ITPR1: variants seen among roughly 807,000 people sequenced by gnomAD.
ITPR1 encodes inositol 1,4,5-trisphosphate receptor type 1.
Under a neutral mutation model 318.4 loss-of-function variants are expected in ITPR1, and 96 were observed. That is an observed-to-expected ratio of 0.30 (90% CI 0.26 to 0.36). The LOEUF (loss-of-function observed/expected upper bound fraction) is 0.36, where lower values mean the gene tolerates loss of function less well. ITPR1 is among the 10% of genes least tolerant of loss of function. ITPR1 has a pLI of 1.00. For missense variants in ITPR1, 2,440 were observed against 3,460.2 expected (o/e 0.71, Z 7.40); for synonymous variants, 1,312 against 1,289.9 (o/e 1.02, Z -0.37).
chr3:4,716,217 A>C lies in ITPR1; in HGVS notation c.5104-1150A>C, dbSNP rs151226006. On this transcript the variant is annotated intron_variant, in intron 39 of 61. Transcript: ENST00000649015. Reference sequence around the variant, plus strand: ...TTTAAACCATGTCTGTGTTGAAAAGAAAATAACCTCCCACAGCTAAATAGC... The same window carrying C: ...TTTAAACCATGTCTGTGTTGAAAAGCAAATAACCTCCCACAGCTAAATAGC... 3.8e-3 allele frequency among the ~76,000 whole-genome samples: 580 copies of C among 152,334 alleles called. 3 individuals carry two copies. The highest frequency in any genetic ancestry group is 0.013 in the African/African-American group (545 of 41,578).
rs1156474451 is a variant in ITPR1, at chr3:4,632,929, C to CTTTTTTTTT, written c.279+5071_279+5079dup. 4.5e-4 allele frequency among the ~76,000 whole-genome samples: 30 copies of CTTTTTTTTT among 66,030 alleles called. 8 individuals carry two copies. The highest frequency in any genetic ancestry group is 1.9e-3 in the African/African-American group (27 of 14,268). The allele number at this position is 66,030 out of a possible 152,430, so 43.3% of individuals were successfully genotyped here. On this transcript the variant is annotated intron_variant, in intron 5 of 61. Coordinates refer to ENST00000649015, the MANE Select transcript of ITPR1 (RefSeq NM_001378452.1). ...AAGATTACTGATGTGACTTTCAGGT[C>CTTTTTTTTT]TTTTTTTTTTTTTTTTTTTTTTTTT... is the stretch of plus-strand genomic sequence containing the variant.
chr3:4,692,576 G>A (rs1321832584), intron 32 of ITPR1, among the ~76,000 whole-genome samples: 1 of 152,172 alleles, frequency 6.6e-6, no homozygotes. Context: ...TATTGACCAT[G>A]TTTATTTTGA....
intron 4 of ITPR1, among the ~76,000 whole-genome samples, chr3:4,614,156 C>T (rs563724633): frequency 3.7e-4 from 57 of 152,324 alleles, no homozygotes; most frequent in African/African-American, 1.4e-3. Flanking sequence ...GTCCCAGCTA[C>T]CTGGGAGGCT....
intron 44 of ITPR1, among the ~76,000 whole-genome samples, chr3:4,752,896 G>A (rs770783331): frequency 2.2e-4 from 33 of 152,144 alleles, no homozygotes; most frequent in Non-Finnish European, 3.5e-4. Context: ...CATAGCCCCT[G>A]CCCTCCAGGA....
intron 4 of ITPR1, among the ~76,000 whole-genome samples, chr3:4,549,197 T>C (rs2085315977): frequency 6.6e-6 from 1 of 152,242 alleles, no homozygotes; most frequent in Non-Finnish European, 1.5e-5. Flanking sequence ...TTTAAATAAA[T>C]ATGATGCTTT....
Position 4,779,722 on chromosome 3 carries a change from T to C in ITPR1, c.6387+77T>C, listed in dbSNP as rs1391235147. ...TTTGGGACAGAGCAGAGGATCTGCT[T>C]CCTGGAGCTTTCTTGAAGGTTCCCA... On this transcript the variant is annotated intron_variant, in intron 49 of 61. Transcript: ENST00000649015. This position sits in a 1 kb window ranked among gnomAD's most constrained non-coding sequence, Gnocchi z 4.0. 5 of 997,394 alleles carry C rather than the reference T, an allele frequency of 5.0e-6. No homozygotes were observed. Among genetic ancestry groups the C allele is most frequent in the Non-Finnish European group, 6.3e-6 (4 of 639,914 alleles). 61.8% of individuals were successfully genotyped at this position (997,394 alleles called of 1,614,324 possible). A position where few individuals can be genotyped will look rare whatever the true frequency, so the allele number is the denominator to read the frequency against.
intron 4 of ITPR1, among the ~76,000 whole-genome samples, chr3:4,567,576 T>A (rs2087454661): frequency 6.6e-6 from 1 of 151,202 alleles, no homozygotes; most frequent in South Asian, 2.1e-4. Context: ...CATGGAGGGC[T>A]TTATAGGGGA....
chr3:4,681,659 C>G (rs2094304522), intron 26 of ITPR1, among the ~76,000 whole-genome samples: 1 of 64,516 alleles, frequency 1.6e-5, no homozygotes, highest in Non-Finnish European at 3.4e-5. Context: ...GTGTGTGTGT[C>G]CCACCTAGGA....
At chr3:4,618,734 G>A (rs1463387785) in intron 4 of ITPR1, among the ~76,000 whole-genome samples, 4 of 152,162 alleles carry the variant, frequency 2.6e-5, no homozygotes, top group Non-Finnish European at 5.9e-5. Flanking sequence ...TATCCCTGGA[G>A]CACTTTGCCT....
intron 44 of ITPR1, among the ~76,000 whole-genome samples, chr3:4,744,784 G>A (rs1211017166): frequency 1.3e-5 from 2 of 152,182 alleles, no homozygotes; most frequent in Non-Finnish European, 2.9e-5. Context: ...TTCACCAGAT[G>A]AGCAATATCC....
chr3:4,500,143 C>T (rs544828321), intron 2 of ITPR1, among the ~76,000 whole-genome samples: 1 of 152,332 alleles, frequency 6.6e-6, no homozygotes, highest in Non-Finnish European at 1.5e-5. Context: ...TTTCTTATCC[C>T]AGACCAAGAA....
At chr3:4,620,834 C>T (rs1237851151) in intron 4 of ITPR1, among the ~76,000 whole-genome samples, 1 of 152,116 alleles carries the variant, frequency 6.6e-6, no homozygotes, top group Non-Finnish European at 1.5e-5. Flanking sequence ...ATCTCCCTCA[C>T]TCCAGATGTA....
intron 4 of ITPR1, among the ~76,000 whole-genome samples, chr3:4,552,226 A>AGCT: frequency 6.6e-6 from 1 of 152,220 alleles, no homozygotes. Flanking sequence ...AGCAGACAAC[A>AGCT]GCTGGGTATC....
intron 7 of ITPR1, 89 bp downstream of exon 7, chr3:4,642,340 T>C: frequency 1.9e-6 from 2 of 1,063,284 alleles, no homozygotes; most frequent in East Asian, 5.8e-5. Flanking sequence ...ACGTTGAAAG[T>C]TGGAACCAGA....
intron 6 of ITPR1, among the ~76,000 whole-genome samples, 168 bp downstream of exon 6, chr3:4,639,638 T>C (rs553480409): frequency 2.6e-5 from 4 of 152,254 alleles, no homozygotes; most frequent in Non-Finnish European, 5.9e-5. Context: ...ATAGACTCTT[T>C]GGGCTATTCT....
chr3:4,695,075 T>C (rs2094536954), intron 33 of ITPR1, among the ~76,000 whole-genome samples: 2 of 152,256 alleles, frequency 1.3e-5, no homozygotes. Flanking sequence ...AGATGTTTTT[T>C]TACAGTTGCA....
At chr3:4,685,724 T>G (rs2125236622) in intron 30 of ITPR1, among the ~76,000 whole-genome samples, 1 of 152,322 alleles carries the variant, frequency 6.6e-6, no homozygotes, top group Non-Finnish European at 1.5e-5. Context: ...TGCCTCTAAT[T>G]TTTCACATTA....
At chr3:4,696,200 A>G (rs544537696) in intron 33 of ITPR1, among the ~76,000 whole-genome samples, 5 of 152,196 alleles carry the variant, frequency 3.3e-5, no homozygotes, top group Admixed American at 6.5e-5. Flanking sequence ...TGCAATCACC[A>G]TCACAATTTA....
rs141326402 is a variant in ITPR1, at chr3:4,528,015, C to T, written c.163+6921C>T. Among the ~76,000 whole-genome samples the T allele has an allele frequency of 3.3e-5, 5 of 152,276 alleles. No homozygotes were observed. The East Asian group carries it at 9.6e-4, about 29-fold the overall frequency. ...TTTTTCATGCTTGAGTGATAAGAAACACTTGAGTGTCAATAGCCTACTTCT... is the reference window on the plus strand; with the variant it reads ...TTTTTCATGCTTGAGTGATAAGAAATACTTGAGTGTCAATAGCCTACTTCT... On this transcript the variant is annotated intron_variant, in intron 4 of 61. Transcript: ENST00000649015.
Sources: gnomAD v4.1 joint callset for allele counts (sites outside exome capture counted in the v4.1 genomes callset) on GRCh38, gnomAD v4.1.1 for gene constraint, Gnocchi (gnomAD v3.1) non-coding constraint, MANE v1.5 for transcripts, NCBI Gene and HGNC (gene_info 2026-07-23, HGNC 2026-07-21) for gene names.